Variants in PRELID2 observed in about 807,000 individuals in gnomAD.
PRELID2 encodes PRELI domain containing 2.
In PRELID2, 25 loss-of-function variants were observed where a neutral mutation model predicts 28.4. The ratio of observed to expected loss-of-function variants is 0.88; its 90% CI spans 0.64 to 1.23. The LOEUF (loss-of-function observed/expected upper bound fraction) is 1.23. PRELID2 is among the 50% of genes most tolerant of loss of function. PRELID2 has a pLI of 0.00. For missense variants in PRELID2, 201 were observed against 214.4 expected (o/e 0.94, Z 0.39); for synonymous variants, 76 against 71.6 (o/e 1.06, Z -0.31).
chr5:145,504,200 C>G (rs1752386382), intron 1 of PRELID2, among the ~76,000 whole-genome samples: 1 of 152,158 alleles, frequency 6.6e-6, no homozygotes, highest in Non-Finnish European at 1.5e-5. Context: ...CAGGGCAGTG[C>G]CTGGCTGTGA....
chr5:145,438,802 A>C, the PRELID2 span, among the ~76,000 whole-genome samples: 1 of 152,104 alleles, frequency 6.6e-6, no homozygotes, highest in Non-Finnish European at 1.5e-5. Context: ...TTGAATTTGG[A>C]GGAAAATCTC....
At chr5:145,690,367 C>T (rs1183834570) in intron 1 of PRELID2, among the ~76,000 whole-genome samples, 1 of 152,090 alleles carries the variant, frequency 6.6e-6, no homozygotes, top group Non-Finnish European at 1.5e-5. Flanking sequence ...TATATGACAG[C>T]CTTGAGCCAA....
chr5:145,550,770 T>G (rs1414906826), intron 1 of PRELID2, among the ~76,000 whole-genome samples: 1 of 152,196 alleles, frequency 6.6e-6, no homozygotes, highest in Non-Finnish European at 1.5e-5. Context: ...TGATCATTGG[T>G]GTTTTCCGTT....
At chr5:145,818,988 G>T (rs2149863107) in intron 3 of PRELID2, among the ~76,000 whole-genome samples, 1 of 152,216 alleles carries the variant, frequency 6.6e-6, no homozygotes, top group Non-Finnish European at 1.5e-5. Context: ...CTGTTCCCAT[G>T]ATAGTGAATA....
chr5:145,466,584 C>T, the PRELID2 span, among the ~76,000 whole-genome samples: 1 of 152,066 alleles, frequency 6.6e-6, no homozygotes, highest in Non-Finnish European at 1.5e-5. Context: ...AATAGTTTAT[C>T]CACTAAGTAA....
intron 1 of PRELID2, among the ~76,000 whole-genome samples, chr5:145,634,681 C>CT (rs1753977010): frequency 6.6e-6 from 1 of 152,136 alleles, no homozygotes; most frequent in Non-Finnish European, 1.5e-5. Flanking sequence ...TCAACATACT[C>CT]TAATAGAATC....
intron 1 of PRELID2, among the ~76,000 whole-genome samples, chr5:145,736,291 A>G (rs78501079): frequency 0.019 from 2,931 of 152,274 alleles, 71 homozygotes; most frequent in East Asian, 0.076. Context: ...TAATGTTTCA[A>G]TTGAGTTCTT....
intron 4 of PRELID2, among the ~76,000 whole-genome samples, chr5:145,816,013 T>G (rs954615573): frequency 6.7e-6 from 1 of 150,112 alleles, no homozygotes; most frequent in African/African-American, 2.4e-5. Flanking sequence ...TATATTCCCA[T>G]AAGAAACATG....
intron 1 of PRELID2, among the ~76,000 whole-genome samples, chr5:145,534,300 T>C (rs891412981): frequency 2.6e-5 from 4 of 152,050 alleles, no homozygotes; most frequent in African/African-American, 4.8e-5. Flanking sequence ...TTGAGTGTTA[T>C]TGTGTTTCTT....
At chr5:145,436,746 G>A in the PRELID2 span, among the ~76,000 whole-genome samples, 33 of 152,234 alleles carry the variant, frequency 2.2e-4, no homozygotes, top group African/African-American at 7.7e-4. Context: ...GTAAGGCATA[G>A]AGGCTGGCTC....
intron 1 of PRELID2, among the ~76,000 whole-genome samples, chr5:145,732,290 C>A (rs1199613339): frequency 6.6e-6 from 1 of 152,194 alleles, no homozygotes; most frequent in African/African-American, 2.4e-5. Context: ...CCCTAACACA[C>A]TTTTGAGAAA....
At chr5:145,406,231 A>G in the PRELID2 span, among the ~76,000 whole-genome samples, 2 of 152,146 alleles carry the variant, frequency 1.3e-5, no homozygotes, top group Non-Finnish European at 2.9e-5. Context: ...GGAAAGATAA[A>G]CTTCTCATAT....
chr5:145,336,571 A>T, the PRELID2 span, among the ~76,000 whole-genome samples: 80 of 152,220 alleles, frequency 5.3e-4, 1 homozygote, highest in Non-Finnish European at 5.4e-4. Context: ...TTTGTCAAAG[A>T]TCAGATAGTT....
chr5:145,476,831 G>C (rs1227196495), intron 1 of PRELID2, among the ~76,000 whole-genome samples: 1 of 151,916 alleles, frequency 6.6e-6, no homozygotes, highest in Non-Finnish European at 1.5e-5. Flanking sequence ...AGAGGAATGA[G>C]AAAAACAATC....
chr5:145,339,687 G>A, the PRELID2 span, among the ~76,000 whole-genome samples: 2 of 152,144 alleles, frequency 1.3e-5, no homozygotes, highest in Non-Finnish European at 2.9e-5. Flanking sequence ...ACTGCTGCCA[G>A]TGTAGGCTGC....
chr5:145,433,162 T>C, the PRELID2 span, among the ~76,000 whole-genome samples: 1 of 152,130 alleles, frequency 6.6e-6, no homozygotes, highest in Non-Finnish European at 1.5e-5. Context: ...TAATTTCTCC[T>C]CCAGGATGTG....
intron 5 of PRELID2, among the ~76,000 whole-genome samples, chr5:145,780,450 T>A (rs975167828): frequency 3.9e-5 from 6 of 152,110 alleles, no homozygotes; most frequent in African/African-American, 1.4e-4. Context: ...ACACAGAAAA[T>A]TAAATAGCTC....
At chr5:145,491,585 A>G (rs2126627048) in intron 1 of PRELID2, among the ~76,000 whole-genome samples, 1 of 90,880 alleles carries the variant, frequency 1.1e-5, no homozygotes. Context: ...GCTTTTCAAG[A>G]ATATAATATA....
intron 4 of PRELID2, among the ~76,000 whole-genome samples, chr5:145,809,137 A>G (rs895971521): frequency 7.3e-5 from 11 of 151,136 alleles, no homozygotes; most frequent in Non-Finnish European, 1.6e-4. Flanking sequence ...CCCAGGCTCA[A>G]GCAATTCTTC....
Sources: gnomAD v4.1 joint callset for allele counts (sites outside exome capture counted in the v4.1 genomes callset) on GRCh38, gnomAD v4.1.1 for gene constraint, MANE v1.5 for transcripts, NCBI Gene and HGNC (gene_info 2026-07-23, HGNC 2026-07-21) for gene names.